The following EPG5 variants were observed in gnomAD, a reference collection of about 807,000 sequenced individuals.
EPG5 encodes ectopic P granules protein 5 homolog.
Under a neutral mutation model 302.7 loss-of-function variants are expected in EPG5, and 159 were observed. The observed-to-expected ratio is 0.53, with a 90% CI of 0.46 to 0.60. The LOEUF (loss-of-function observed/expected upper bound fraction) is 0.60. Among genes scored for constraint, EPG5 ranks in the 20% least tolerant of loss-of-function variants. The probability of loss-of-function intolerance (pLI) is 0.00; values close to 1 mark genes in which losing one functional copy is unlikely to be tolerated. For synonymous variants in EPG5, 1,158 were observed against 1,136.8 expected, an observed-to-expected ratio of 1.02 and a Z score of -0.37; for missense variants, 2,896 against 3,092.4, an observed-to-expected ratio of 0.94 and a Z score of 1.51.
At chr18:45,944,221 G>A in intron 7 of EPG5, 102 bp from the exon 8 acceptor site, 1 of 714,696 alleles carries the variant, frequency 1.4e-6, no homozygotes, top group Non-Finnish European at 2.5e-6. Flanking sequence ...TGGTATACAT[G>A]TGATATCCTC....
intron 27 of EPG5, among the ~76,000 whole-genome samples, chr18:45,895,250 G>T (rs1485144235): frequency 6.6e-6 from 1 of 152,192 alleles, no homozygotes; most frequent in African/African-American, 2.4e-5. Context: ...GTAAAGGTGA[G>T]ATTAATTTGG....
At chr18:45,906,695 C>T (rs2049759754) in intron 24 of EPG5, among the ~76,000 whole-genome samples, 1 of 151,798 alleles carries the variant, frequency 6.6e-6, no homozygotes, top group Non-Finnish European at 1.5e-5. Flanking sequence ...CTCTCTGTTG[C>T]CCAGGCTGGA....
chr18:45,904,168 C>T (rs2049693174), intron 24 of EPG5, 51 bp from the exon 25 acceptor site: 1 of 1,573,964 alleles, frequency 6.4e-7, no homozygotes, highest in Admixed American at 1.9e-5. Context: ...CATAGATTCA[C>T]ATATAAAACT....
intron 35 of EPG5, among the ~76,000 whole-genome samples, chr18:45,874,551 A>G (rs1226022371): frequency 2.0e-5 from 3 of 152,342 alleles, no homozygotes; most frequent in East Asian, 1.9e-4. Context: ...CTTACATGGC[A>G]GCAGGCAAGA....
intron 29 of EPG5, among the ~76,000 whole-genome samples, chr18:45,885,120 C>A (rs575168216): frequency 3.9e-4 from 59 of 152,262 alleles, no homozygotes; most frequent in African/African-American, 1.4e-3. Flanking sequence ...AGGCGGATCA[C>A]CTGAGGTCAG....
chr18:45,886,763 A>G (rs181807020), intron 29 of EPG5, among the ~76,000 whole-genome samples: 1 of 152,226 alleles, frequency 6.6e-6, no homozygotes, highest in East Asian at 1.9e-4. Context: ...GTTTCAAGTA[A>G]TTCTCCTGCC....
the EPG5 span, among the ~76,000 whole-genome samples, chr18:45,812,507 G>A: frequency 6.6e-6 from 1 of 152,098 alleles, no homozygotes; most frequent in East Asian, 1.9e-4. Flanking sequence ...CACACTACCT[G>A]ACTTCAAACT....
intron 27 of EPG5, among the ~76,000 whole-genome samples, chr18:45,898,596 T>C (rs2049532581): frequency 6.6e-6 from 1 of 152,174 alleles, no homozygotes; most frequent in African/African-American, 2.4e-5. Context: ...GTCAGCAAGT[T>C]CCACCCAACT....
chr18:45,907,687 C>A (rs773616820), intron 24 of EPG5, among the ~76,000 whole-genome samples: 1 of 151,940 alleles, frequency 6.6e-6, no homozygotes, highest in African/African-American at 2.4e-5. Flanking sequence ...AAAAAATATA[C>A]AGTCAGAGGA....
At chr18:45,873,485 G>A (rs947670616) in intron 35 of EPG5, among the ~76,000 whole-genome samples, 1 of 151,802 alleles carries the variant, frequency 6.6e-6, no homozygotes, top group African/African-American at 2.4e-5. Context: ...ACTCCAGCCT[G>A]GGCAACAGAG....
chr18:45,908,033 T>C lies in EPG5; in HGVS notation c.4254A>G (p.Lys1418=). ...GTAGAGAAGGGATATAGGTATCTCC[T>C]TTTTGAAAATTCTCATCTTCTAGCC... ...ILWLEDENFQ[K]GDTYIPSLPK... Residue 1418 remains lysine, a synonymous_variant, in exon 24 of 44, where the codon AAA becomes AAG. Coordinates refer to ENST00000282041, the MANE Select transcript of EPG5 (RefSeq NM_020964.3). The C allele has an allele frequency of 6.3e-7, 1 of 1,592,318 alleles. No homozygotes were observed. The highest frequency in any genetic ancestry group is 8.6e-7 in the Non-Finnish European group (1 of 1,169,316).
intron 29 of EPG5, among the ~76,000 whole-genome samples, chr18:45,886,737 C>A (rs192097218): frequency 1.9e-3 from 292 of 152,308 alleles, no homozygotes; most frequent in Middle Eastern, 0.01. Context: ...CCGCTCACCG[C>A]AACCTCTGCC....
chr18:45,946,689 T>C lies in EPG5; in HGVS notation c.1651A>G (p.Thr551Ala), dbSNP rs2050789649. The C allele has an allele frequency of 1.2e-6, 2 of 1,614,116 alleles. No individual in the cohort carries two copies. Among genetic ancestry groups the C allele is most frequent in the Non-Finnish European group, 8.5e-7 (1 of 1,180,002 alleles). Residue 551 changes from threonine (T) to alanine (A), a missense_variant, in exon 7 of 44, where the codon ACG becomes GCG. By Grantham distance (58) the Thr-to-Ala change is moderately conservative (BLOSUM62 0). Around this residue, in one of 5 missense-constraint regions of EPG5, gnomAD observed 1,390 missense variants for 1,430.0 expected, o/e 0.97. Coordinates refer to ENST00000282041, the MANE Select transcript of EPG5 (RefSeq NM_020964.3). ...SSSGPGSGTW[T>A]LVDEGGEEDE... ...TCTTCTCCTCCTTCGTCTACTAGCG[T>C]CCAAGTCCCAGACCCAGGCCCTGAG...
chr18:45,830,646 C>T, the EPG5 span, among the ~76,000 whole-genome samples: 1 of 127,446 alleles, frequency 7.8e-6, no homozygotes, highest in East Asian at 2.6e-4. Flanking sequence ...AGTGCAGTGG[C>T]ACCATCTCAG....
chr18:45,801,137 A>C, the EPG5 span, among the ~76,000 whole-genome samples: 1 of 152,108 alleles, frequency 6.6e-6, no homozygotes, highest in African/African-American at 2.4e-5. Flanking sequence ...CCTGGGTTCA[A>C]GCAGTTCTCC....
chr18:45,951,064 TAAAAC>T, intron 4 of EPG5, 33 bp downstream of exon 4: 1 of 1,436,378 alleles, frequency 7.0e-7, no homozygotes, highest in Non-Finnish European at 9.2e-7. Flanking sequence ...ATGAAAGAAA[TAAAAC>T]AAAGACTACT....
At chr18:45,947,734 G>A (rs928148000) in intron 6 of EPG5, among the ~76,000 whole-genome samples, 13 of 151,632 alleles carry the variant, frequency 8.6e-5, no homozygotes, top group Non-Finnish European at 1.3e-4. Flanking sequence ...CCACCTACAT[G>A]TTCTCCATTG....
At position 45,955,058 on chromosome 18, in the gene EPG5, T is replaced by TC; in HGVS notation, c.343dup (p.Asp115GlyfsTer17). 1 of 1,614,176 alleles carries TC rather than the reference T, an allele frequency of 6.2e-7. No individual in the cohort carries two copies. Among genetic ancestry groups the TC allele is most frequent in the Non-Finnish European group, 8.5e-7 (1 of 1,180,028 alleles). Reference sequence around the variant, plus strand: ...GTGGACCTTTGGAGTGACTGCACTGTCCCCCACACAGGGTCTGGCCTCTCC... The same window carrying TC: ...GTGGACCTTTGGAGTGACTGCACTGTCCCCCCACACAGGGTCTGGCCTCTCC... On this transcript the variant is annotated frameshift_variant, in exon 2 of 44. Coordinates refer to ENST00000282041, the MANE Select transcript of EPG5 (RefSeq NM_020964.3). LOFTEE classifies it high-confidence loss of function.
the EPG5 span, among the ~76,000 whole-genome samples, chr18:45,840,443 G>T: frequency 6.6e-6 from 1 of 152,088 alleles, no homozygotes; most frequent in Admixed American, 6.6e-5. Context: ...ACCAAGCCTC[G>T]CTGACCTGCT....
Sources: allele counts gnomAD v4.1 joint callset (sites outside exome capture counted in the v4.1 genomes callset), GRCh38; gene constraint gnomAD v4.1.1; regional missense constraint gnomAD v4.1.1; transcripts MANE v1.5; gene names NCBI Gene and HGNC (gene_info 2026-07-23, HGNC 2026-07-21).